The following CSNK1D variants were observed in gnomAD, a reference collection of about 807,000 sequenced individuals.
CSNK1D encodes the protein casein kinase I isoform delta.
A neutral mutation model predicts 46.6 loss-of-function variants in CSNK1D; 16 were observed. That is an observed-to-expected ratio of 0.34 (90% CI 0.23 to 0.52). CSNK1D has a LOEUF of 0.52. Among genes scored for constraint, CSNK1D ranks in the 20% least tolerant of loss-of-function variants. The pLI, the probability that CSNK1D is intolerant of heterozygous loss-of-function variation, is 0.95. For missense variants in CSNK1D, 398 were observed against 578.4 expected, an observed-to-expected ratio of 0.69 and a Z score of 3.20; for synonymous variants, 276 against 228.2, an observed-to-expected ratio of 1.21 and a Z score of -1.89.
At chr17:82,264,356 C>G (rs2051413229) in intron 2 of CSNK1D, among the ~76,000 whole-genome samples, 1 of 152,228 alleles carries the variant, frequency 6.6e-6, no homozygotes, top group Admixed American at 6.5e-5. Flanking sequence ...GAGACACACG[C>G]TTCATGGCTC....
In CSNK1D at chr17:82,251,339, G is replaced by C; in HGVS notation, c.885+40C>G. The C allele has an allele frequency of 6.2e-7, 1 of 1,612,530 alleles. No individual in the cohort carries two copies. Among genetic ancestry groups the C allele is most frequent in the Non-Finnish European group, 8.5e-7 (1 of 1,178,980 alleles). ...GCCTCTCACTGACAAGCCATCCCCCGCACACCACACTCAGCGAACGTGCTG... is the reference window on the plus strand; with the variant it reads ...GCCTCTCACTGACAAGCCATCCCCCCCACACCACACTCAGCGAACGTGCTG... On this transcript the variant is annotated intron_variant, in intron 6 of 8. Transcript: ENST00000314028. The surrounding 1 kb of genome is among the most constrained non-coding windows in gnomAD (Gnocchi z 4.5).
intron 2 of CSNK1D, among the ~76,000 whole-genome samples, chr17:82,262,282 T>G (rs2051359944): frequency 6.6e-6 from 1 of 152,200 alleles, no homozygotes; most frequent in Non-Finnish European, 1.5e-5. Flanking sequence ...AGCAGTAGCC[T>G]GGGGGGCTAG....
At chr17:82,260,321 G>A (rs796156864) in intron 2 of CSNK1D, among the ~76,000 whole-genome samples, 1 of 137,780 alleles carries the variant, frequency 7.3e-6, no homozygotes, top group African/African-American at 2.5e-5. Context: ...GGTGTACTGA[G>A]TGATGTGACT....
At position 82,243,811 on chromosome 17, in the gene CSNK1D, C is replaced by G. The variant is rs1461064548; in HGVS notation, c.*970G>C. 2.0e-6 allele frequency: 2 copies of G among 985,464 alleles called. No homozygotes were observed. Among genetic ancestry groups the G allele is most frequent in the Non-Finnish European group, 2.4e-6 (2 of 829,962 alleles). 61.0% of individuals were successfully genotyped at this position (985,464 alleles called of 1,614,324 possible). ...ACTGAGTGCAAAGGCAGCAAGGCAA[C>G]AAACACTACAGTAACCACCTCTCGG... On this transcript the variant is annotated 3_prime_UTR_variant, in exon 9 of 9. Transcript: ENST00000314028.
intron 8 of CSNK1D, chr17:82,246,392 C>T (rs920818444): frequency 5.9e-5 from 73 of 1,239,298 alleles, no homozygotes; most frequent in East Asian, 9.1e-5. Context: ...GCAGGGGAGA[C>T]GCACATCCTC....
chr17:82,245,015 A>G, intron 8 of CSNK1D, 184 bp from the exon 9 acceptor site: 1 of 727,650 alleles, frequency 1.4e-6, no homozygotes, highest in Non-Finnish European at 2.3e-6. Flanking sequence ...CAGCAGAACG[A>G]GTGACAGGAA....
Position 82,244,101 on chromosome 17 carries a change from C to G in CSNK1D, c.*680G>C, listed in dbSNP as rs1242266121. 21 of 989,614 alleles carry G rather than the reference C, an allele frequency of 2.1e-5. No individual in the cohort carries two copies. The Admixed American group carries it at 1.2e-3, about 58-fold the overall frequency. 61.3% of individuals were successfully genotyped at this position (989,614 alleles called of 1,614,324 possible). A position where few individuals can be genotyped will look rare whatever the true frequency, so the allele number is the denominator to read the frequency against. Reference sequence around the variant, plus strand: ...AATTACGGGAGGAGGGAGGGTGAGACGCCAAAATCAGGTTGAAGAGGTCCC... The same window carrying G: ...AATTACGGGAGGAGGGAGGGTGAGAGGCCAAAATCAGGTTGAAGAGGTCCC... On this transcript the variant is annotated 3_prime_UTR_variant, in exon 9 of 9. Transcript: ENST00000314028.
Position 82,249,762 on chromosome 17 carries a change from A to G in CSNK1D, c.886-160T>C. 6.8e-7 allele frequency: 1 copy of G among 1,479,618 alleles called. No individual in the cohort carries two copies. The highest frequency in any genetic ancestry group is 9.0e-7 in the Non-Finnish European group (1 of 1,116,646). The allele number at this position is 1,479,618 out of a possible 1,614,324, so 91.7% of individuals were successfully genotyped here. On this transcript the variant is annotated intron_variant, in intron 6 of 8. Transcript: ENST00000314028. This position sits in a 1 kb window ranked among gnomAD's most constrained non-coding sequence, Gnocchi z 6.7. ...CAGGCTGCACGTTTCTCCTCATGGG[A>G]TGACAGCATCATCCCCACAAGGGGT...
Position 82,244,509 on chromosome 17 carries a change from C to G in CSNK1D, c.*272G>C, listed in dbSNP as rs908122916. 7.0e-7 allele frequency: 1 copy of G among 1,424,712 alleles called. No homozygotes were observed. 88.3% of individuals were successfully genotyped at this position (1,424,712 alleles called of 1,614,324 possible). On this transcript the variant is annotated 3_prime_UTR_variant, in exon 9 of 9. Transcript: ENST00000314028. ...GGAGCTGAGGCCCTGGAAAAGGAGT[C>G]TGATTCTCTGCAATTCTCTCTCTGC... is the stretch of plus-strand genomic sequence containing the variant.
chr17:82,265,706 T>C lies in CSNK1D; in HGVS notation c.167A>G (p.Tyr56Cys), dbSNP rs763803454. The change falls in exon 2 of 9, where the codon TAC becomes TGC. Residue 56 changes from tyrosine to cysteine, a missense_variant. Physicochemically the swap from Tyr to Cys is radical, Grantham distance 194 (BLOSUM62 -2). Coordinates refer to ENST00000314028, the MANE Select transcript of CSNK1D (RefSeq NM_001893.6). ...CCTACCTCCTCCCTGCATCATCTTG[T>C]AGATTTTGCTCTCAATGTGGAGCTG... ...HPQLHIESKI[Y>C]KMMQGGVGIP... The C allele has an allele frequency of 6.2e-7, 1 of 1,613,980 alleles. No individual in the cohort carries two copies. The highest frequency in any genetic ancestry group is 1.1e-5 in the South Asian group (1 of 91,080).
chr17:82,253,259 AG>A lies in CSNK1D; in HGVS notation c.337-16del. The A allele has an allele frequency of 6.2e-7, 1 of 1,609,580 alleles. No homozygotes were observed. The highest frequency in any genetic ancestry group is 1.7e-5 in the Admixed American group (1 of 60,008). On this transcript the variant is annotated splice_polypyrimidine_tract_variant and intron_variant, in intron 3 of 8. Coordinates refer to ENST00000314028, the MANE Select transcript of CSNK1D (RefSeq NM_001893.6). ...ATGCGACTGATCTGTGAGCAGAGCAAGGGCGCGAGATGGCACCCCAGGGCAG... is the reference window on the plus strand; with the variant it reads ...ATGCGACTGATCTGTGAGCAGAGCAAGGCGCGAGATGGCACCCCAGGGCAG...
Position 82,249,448 on chromosome 17 carries a change from G to C in CSNK1D, c.1040C>G (p.Thr347Ser). The C allele has an allele frequency of 1.3e-6, 2 of 1,538,934 alleles. No homozygotes were observed. Among genetic ancestry groups the C allele is most frequent in the Non-Finnish European group, 1.7e-6 (2 of 1,146,476 alleles). ...TQEVAPPTPL[T>S]PTSHTANTSP... The stretch of plus-strand genomic sequence containing the variant: ...GCACTCACCCGTGTGTGAGGTAGGG[G>C]TGAGGGGTGTGGGGGGAGCCACTTC... Residue 347 changes from threonine to serine, a missense_variant, in exon 7 of 9, where the codon ACC becomes AGC. Around this residue, in one of 2 missense-constraint regions of CSNK1D, gnomAD observed 181 missense variants for 208.0 expected, o/e 0.87. Transcript: ENST00000314028. The surrounding 1 kb of genome is among the most constrained non-coding windows in gnomAD (Gnocchi z 6.7).
Position 82,249,933 on chromosome 17 carries a change from G to GA in CSNK1D, c.886-332dup. ...GTGAACATGCTCACTAACACGTGCA[G>GA]AAAGAGGAGAGGGACAGGAACCATC... On this transcript the variant is annotated intron_variant, in intron 6 of 8. Coordinates refer to ENST00000314028, the MANE Select transcript of CSNK1D (RefSeq NM_001893.6). The surrounding 1 kb of genome is among the most constrained non-coding windows in gnomAD (Gnocchi z 6.7). 7.8e-7 allele frequency: 1 copy of GA among 1,289,510 alleles called. No individual in the cohort carries two copies. The allele number at this position is 1,289,510 out of a possible 1,614,324, so 79.9% of individuals were successfully genotyped here. A position where few individuals can be genotyped will look rare whatever the true frequency, so the allele number is the denominator to read the frequency against.
rs755992825 is a variant in CSNK1D, at chr17:82,251,459, G to A, written c.805C>T (p.Leu269=). The change falls in exon 6 of 9, where the codon CTG becomes TTG. Residue 269 remains leucine, a synonymous_variant. Coordinates refer to ENST00000314028, the MANE Select transcript of CSNK1D (RefSeq NM_001893.6). The surrounding 1 kb of genome is among the most constrained non-coding windows in gnomAD (Gnocchi z 4.5). ...RFDDKPDYSY[L]RQLFRNLFHR... is the part of the protein sequence containing the mutation. ...AACAGATTCCGGAAAAGCTGCCGCA[G>A]GTACGAGTAGTCAGGCTTGTCGTCA... is the stretch of plus-strand genomic sequence containing the variant. 1.2e-6 allele frequency: 2 copies of A among 1,614,164 alleles called. No homozygotes were observed. The highest frequency in any genetic ancestry group is 2.2e-5 in the South Asian group (2 of 91,080).
Position 82,246,643 on chromosome 17 carries a change from G to T in CSNK1D, c.1198-1812C>A, listed in dbSNP as rs1023313249. 23 of 1,003,060 alleles carry T rather than the reference G, an allele frequency of 2.3e-5. No individual in the cohort carries two copies. The African/African-American group carries it at 3.6e-4, about 16-fold the overall frequency. 62.1% of individuals were successfully genotyped at this position (1,003,060 alleles called of 1,614,324 possible). On this transcript the variant is annotated intron_variant, in intron 8 of 8. Transcript: ENST00000314028. The stretch of plus-strand genomic sequence containing the variant: ...CAGGCGGAGTCCGGGCTGGGGCGGG[G>T]CCCTACAACTATGGGGGCCTCTGTG...
chr17:82,239,850 T>C (rs918138112), downstream of CSNK1D: 1 of 499,100 alleles, frequency 2.0e-6, no homozygotes, highest in East Asian at 3.5e-5. Flanking sequence ...GGCTGGTCTT[T>C]GCACCCTGTC....
In CSNK1D at chr17:82,244,521, A is replaced by C; in HGVS notation, c.*260T>G. 6.9e-7 allele frequency: 1 copy of C among 1,439,332 alleles called. No individual in the cohort carries two copies. The highest frequency in any genetic ancestry group is 9.1e-7 in the Non-Finnish European group (1 of 1,095,800). 89.2% of individuals were successfully genotyped at this position (1,439,332 alleles called of 1,614,324 possible). A position where few individuals can be genotyped will look rare whatever the true frequency, so the allele number is the denominator to read the frequency against. On this transcript the variant is annotated 3_prime_UTR_variant, in exon 9 of 9. Transcript: ENST00000314028. ...CTGGAAAAGGAGTCTGATTCTCTGCAATTCTCTCTCTGCTTTTCTTCCCAG... is the reference window on the plus strand; with the variant it reads ...CTGGAAAAGGAGTCTGATTCTCTGCCATTCTCTCTCTGCTTTTCTTCCCAG...
Position 82,252,886 on chromosome 17 carries a change from C to T in CSNK1D, c.565+130G>A. On this transcript the variant is annotated intron_variant, in intron 4 of 8. Transcript: ENST00000314028. The surrounding 1 kb of genome is among the most constrained non-coding windows in gnomAD (Gnocchi z 4.6). Reference sequence around the variant, plus strand: ...CATACACCTGGCAGTCACGAGCCAGCCTGTCTGCCGCAAAGGTCTGATGAC... The same window carrying T: ...CATACACCTGGCAGTCACGAGCCAGTCTGTCTGCCGCAAAGGTCTGATGAC... 1 of 888,626 alleles carries T rather than the reference C, an allele frequency of 1.1e-6. No individual in the cohort carries two copies. The allele number at this position is 888,626 out of a possible 1,614,324, so 55.0% of individuals were successfully genotyped here.
In CSNK1D at chr17:82,258,278, T is replaced by C. The variant is rs143893361; in HGVS notation, c.188-2701A>G. On this transcript the variant is annotated intron_variant, in intron 2 of 8. Transcript: ENST00000314028. The stretch of plus-strand genomic sequence containing the variant: ...TGTGTATTTATGTTTCGGTCTTTTA[T>C]ATATATGTATATATTTATATAAAAA... 2.7e-3 allele frequency among the ~76,000 whole-genome samples: 409 copies of C among 150,242 alleles called. 2 individuals are homozygous for C. Among genetic ancestry groups the C allele is most frequent in the African/African-American group, 9.5e-3 (390 of 41,092 alleles).
Sources: gnomAD v4.1 joint callset for allele counts (sites outside exome capture counted in the v4.1 genomes callset) on GRCh38, gnomAD v4.1.1 for gene constraint, gnomAD v4.1.1 regional missense constraint, Gnocchi (gnomAD v3.1) non-coding constraint, MANE v1.5 for transcripts, NCBI Gene and HGNC (gene_info 2026-07-23, HGNC 2026-07-21) for gene names.